The following PCDH9 variants were observed in gnomAD, a reference collection of about 807,000 sequenced individuals.
PCDH9 encodes the protein protocadherin-9.
Under a neutral mutation model 70.6 loss-of-function variants are expected in PCDH9, and 24 were observed. The ratio of observed to expected loss-of-function variants is 0.34; its 90% confidence interval spans 0.25 to 0.48. PCDH9 has a LOEUF of 0.48. Ranked by LOEUF, PCDH9 falls within the 20% of genes least tolerant of loss-of-function variation. The probability of loss-of-function intolerance (pLI) is 0.99; values close to 1 mark genes in which losing one functional copy is unlikely to be tolerated. For missense variants in PCDH9, 1,281 were observed against 1,503.6 expected (o/e 0.85, Z 2.45); for synonymous variants, 562 against 558.5 (o/e 1.01, Z -0.09).
At chr13:66,642,723 A>C (rs2077724650) in intron 3 of PCDH9, among the ~76,000 whole-genome samples, 1 of 152,022 alleles carries the variant, frequency 6.6e-6, no homozygotes, top group African/African-American at 2.4e-5. Context: ...TAAAGTAAAA[A>C]TGGCACATTT....
At chr13:66,320,210 A>G (rs554233222) in intron 4 of PCDH9, among the ~76,000 whole-genome samples, 1 of 152,192 alleles carries the variant, frequency 6.6e-6, no homozygotes, top group South Asian at 2.1e-4. Context: ...TATTCATTGG[A>G]AGTAAAAATT....
intron 3 of PCDH9, among the ~76,000 whole-genome samples, chr13:66,664,565 A>G (rs757966344): frequency 3.9e-5 from 6 of 152,210 alleles, no homozygotes; most frequent in Non-Finnish European, 5.9e-5. Context: ...GTAGTAGACA[A>G]CAGTATGACT....
chr13:67,015,119 C>T (rs1258628946), intron 2 of PCDH9, among the ~76,000 whole-genome samples: 1 of 152,076 alleles, frequency 6.6e-6, no homozygotes, highest in African/African-American at 2.4e-5. Context: ...TTATTGACTC[C>T]TGGCTCCTCA....
chr13:66,693,279 CTCAT>C (rs1466227559), intron 3 of PCDH9, among the ~76,000 whole-genome samples: 4 of 151,984 alleles, frequency 2.6e-5, no homozygotes, highest in African/African-American at 9.7e-5. Context: ...ATTGTCAAGT[CTCAT>C]TCAAATATAT....
intron 4 of PCDH9, among the ~76,000 whole-genome samples, chr13:66,404,597 G>A (rs975717352): frequency 3.3e-5 from 5 of 151,518 alleles, no homozygotes; most frequent in African/African-American, 7.3e-5. Flanking sequence ...GGGAGGGAAG[G>A]AATGAAAAGA....
intron 3 of PCDH9, among the ~76,000 whole-genome samples, chr13:66,806,298 G>T (rs929899433): frequency 3.9e-5 from 6 of 151,976 alleles, no homozygotes; most frequent in Non-Finnish European, 8.8e-5. Context: ...TTGGAGCTCT[G>T]GTAATAAATA....
chr13:66,720,706 G>A (rs1038277424), intron 3 of PCDH9, among the ~76,000 whole-genome samples: 3 of 152,110 alleles, frequency 2.0e-5, no homozygotes, highest in African/African-American at 7.2e-5. Flanking sequence ...TCTGTGAAAT[G>A]ATGTTTAATT....
intron 3 of PCDH9, among the ~76,000 whole-genome samples, chr13:66,870,604 G>T (rs1691771303): frequency 6.6e-6 from 1 of 152,188 alleles, no homozygotes; most frequent in Non-Finnish European, 1.5e-5. Context: ...TTTCAAAAGA[G>T]GTTATTTATG....
At position 67,031,734 on chromosome 13, in the gene PCDH9, T is replaced by C. The variant is rs561351077; in HGVS notation, c.3037-128129A>G. ...ATTATACAAAATATTAGATTTTTTATTGTTGGGGTATTTTGATTTATATTT... is the reference window on the plus strand; with the variant it reads ...ATTATACAAAATATTAGATTTTTTACTGTTGGGGTATTTTGATTTATATTT... On this transcript the variant is annotated intron_variant, in intron 2 of 4. Coordinates refer to ENST00000377865, the MANE Select transcript of PCDH9 (RefSeq NM_203487.3). 7.2e-5 allele frequency among the ~76,000 whole-genome samples: 11 copies of C among 152,312 alleles called. No homozygotes were observed. The East Asian group carries it at 2.1e-3, about 29-fold the overall frequency.
At chr13:67,144,808 A>G (rs1424934095) in intron 2 of PCDH9, among the ~76,000 whole-genome samples, 1 of 152,170 alleles carries the variant, frequency 6.6e-6, no homozygotes, top group Non-Finnish European at 1.5e-5. Flanking sequence ...TCTGTAACTC[A>G]CTAAGTACTT....
At chr13:66,555,072 G>A (rs970953305) in intron 4 of PCDH9, among the ~76,000 whole-genome samples, 7 of 152,130 alleles carry the variant, frequency 4.6e-5, no homozygotes, top group African/African-American at 1.7e-4. Context: ...GGGAGGCTGA[G>A]GCAGGAGAAT....
At chr13:66,673,755 A>G (rs951240352) in intron 3 of PCDH9, among the ~76,000 whole-genome samples, 11 of 152,196 alleles carry the variant, frequency 7.2e-5, no homozygotes, top group African/African-American at 2.7e-4. Flanking sequence ...TTTGTTCTCA[A>G]TTTCAATGAC....
At chr13:66,542,243 A>G (rs1002979552) in intron 4 of PCDH9, among the ~76,000 whole-genome samples, 1 of 152,136 alleles carries the variant, frequency 6.6e-6, no homozygotes, top group African/African-American at 2.4e-5. Context: ...GAGACTACAA[A>G]ATTAGGTTTG....
intron 3 of PCDH9, among the ~76,000 whole-genome samples, chr13:66,881,989 A>G (rs559962942): frequency 2.0e-5 from 3 of 152,314 alleles, no homozygotes; most frequent in Admixed American, 2.0e-4. Flanking sequence ...ATCTGAGTAT[A>G]ACACAATCCT....
chr13:66,562,754 T>G (rs1024575508), intron 4 of PCDH9, among the ~76,000 whole-genome samples: 3 of 152,046 alleles, frequency 2.0e-5, no homozygotes, highest in African/African-American at 7.2e-5. Context: ...GCCTGAGTGG[T>G]CAGAGCAAAG....
intron 2 of PCDH9, among the ~76,000 whole-genome samples, chr13:67,156,272 A>G (rs2087810293): frequency 6.6e-6 from 1 of 152,178 alleles, no homozygotes; most frequent in Non-Finnish European, 1.5e-5. Context: ...CTGGACGTGT[A>G]GAGGAGCGGA....
At chr13:66,491,674 T>C (rs1165805976) in intron 4 of PCDH9, among the ~76,000 whole-genome samples, 6 of 152,144 alleles carry the variant, frequency 3.9e-5, no homozygotes, top group Non-Finnish European at 8.8e-5. Flanking sequence ...ATGCAATTCC[T>C]TTATTCCTTT....
intron 3 of PCDH9, among the ~76,000 whole-genome samples, chr13:66,798,911 G>T (rs1165538617): frequency 5.3e-5 from 8 of 151,994 alleles, no homozygotes; most frequent in African/African-American, 1.7e-4. Context: ...TGCCTCCTGG[G>T]TTCAAGAATT....
chr13:66,407,448 T>C (rs796492975), intron 4 of PCDH9, among the ~76,000 whole-genome samples: 46 of 152,322 alleles, frequency 3.0e-4, no homozygotes, highest in Middle Eastern at 3.4e-3. Flanking sequence ...AATTGTGTGG[T>C]CTGGCCTTAG....
Sources: allele counts gnomAD v4.1 joint callset (sites outside exome capture counted in the v4.1 genomes callset), GRCh38; gene constraint gnomAD v4.1.1; transcripts MANE v1.5; gene names NCBI Gene and HGNC (gene_info 2026-07-23, HGNC 2026-07-21).